SPHKAP: variants seen among roughly 807,000 people sequenced by gnomAD.
SPHKAP encodes A-kinase anchor protein SPHKAP.
Under a neutral mutation model 137.5 loss-of-function variants are expected in SPHKAP, and 67 were observed. The observed-to-expected ratio is 0.49, with a 90% confidence interval of 0.40 to 0.60. The LOEUF (loss-of-function observed/expected upper bound fraction) is 0.60. Ranked by LOEUF, SPHKAP falls within the 20% of genes least tolerant of loss-of-function variation. The pLI, the probability that SPHKAP is intolerant of heterozygous loss-of-function variation, is 0.00. For missense variants in SPHKAP, 2,097 were observed against 2,069.3 expected (o/e 1.01, Z -0.26); for synonymous variants, 813 against 785.3 (o/e 1.04, Z -0.59).
chr2:228,156,063 A>T (rs1331745218), intron 1 of SPHKAP, among the ~76,000 whole-genome samples: 1 of 152,192 alleles, frequency 6.6e-6, no homozygotes, highest in Non-Finnish European at 1.5e-5. Flanking sequence ...TTAAACTAAA[A>T]TGTGCCCACT....
At chr2:228,163,589 C>T (rs12465504) in intron 1 of SPHKAP, among the ~76,000 whole-genome samples, 21,721 of 152,052 alleles carry the variant, frequency 0.14, 1,558 homozygotes, top group East Asian at 0.2. Flanking sequence ...CTATTTATAA[C>T]GTACACAGGT....
intron 1 of SPHKAP, among the ~76,000 whole-genome samples, chr2:228,151,703 A>T (rs1014819326): frequency 6.6e-6 from 1 of 152,194 alleles, no homozygotes; most frequent in African/African-American, 2.4e-5. Flanking sequence ...ATGGGATCTC[A>T]TTCTGTTGCA....
chr2:228,086,945 T>A (rs2106321597), intron 3 of SPHKAP, among the ~76,000 whole-genome samples: 1 of 152,180 alleles, frequency 6.6e-6, no homozygotes, highest in Admixed American at 6.5e-5. Flanking sequence ...AAAGGCTAGC[T>A]CCAAAAGTAA....
chr2:228,025,930 A>G, intron 4 of SPHKAP: 6 of 910,118 alleles, frequency 6.6e-6, no homozygotes, highest in Non-Finnish European at 7.9e-6. Context: ...TCCAAATCTC[A>G]TCTTGTAGCT....
chr2:228,152,494 A>G (rs1699966547), intron 1 of SPHKAP, among the ~76,000 whole-genome samples: 1 of 151,936 alleles, frequency 6.6e-6, no homozygotes, highest in Non-Finnish European at 1.5e-5. Flanking sequence ...TTAGTATTTC[A>G]TGTTTTAAAT....
At chr2:228,046,962 C>T (rs1310369022) in intron 3 of SPHKAP, among the ~76,000 whole-genome samples, 1 of 152,094 alleles carries the variant, frequency 6.6e-6, no homozygotes, top group Non-Finnish European at 1.5e-5. Flanking sequence ...CACTTGAAAG[C>T]AGAATAAAAG....
At chr2:227,997,569 A>C (rs1693682990) in intron 7 of SPHKAP, among the ~76,000 whole-genome samples, 1 of 152,198 alleles carries the variant, frequency 6.6e-6, no homozygotes, top group South Asian at 2.1e-4. Context: ...AAGTCTAATA[A>C]CATGCTTTTG....
Position 228,016,397 on chromosome 2 carries a change from T to C in SPHKAP, c.4448+9A>G, listed in dbSNP as rs1287380643. 6.4e-7 allele frequency: 1 copy of C among 1,569,018 alleles called. No homozygotes were observed. Among genetic ancestry groups the C allele is most frequent in the African/African-American group, 1.4e-5 (1 of 72,878 alleles). The stretch of plus-strand genomic sequence containing the variant: ...ATGCACCCTATGTAGTCTGAGACGA[T>C]TCACTCACCTATGGATTTGACAAGC... On this transcript the variant is annotated intron_variant, in intron 7 of 11. Coordinates refer to ENST00000392056, the MANE Select transcript of SPHKAP (RefSeq NM_001142644.2).
intron 2 of SPHKAP, among the ~76,000 whole-genome samples, chr2:228,113,503 G>A (rs1221751156): frequency 1.3e-5 from 2 of 152,000 alleles, no homozygotes; most frequent in Non-Finnish European, 2.9e-5. Flanking sequence ...ATTTCAGTCA[G>A]GCTCCCAGAC....
intron 1 of SPHKAP, among the ~76,000 whole-genome samples, chr2:228,155,887 G>A (rs1344375605): frequency 6.6e-6 from 1 of 152,178 alleles, no homozygotes; most frequent in Non-Finnish European, 1.5e-5. Context: ...TGCAAGCAAA[G>A]AGGACAAAGC....
chr2:227,986,776 T>C (rs1390111428), intron 11 of SPHKAP, among the ~76,000 whole-genome samples: 1 of 152,116 alleles, frequency 6.6e-6, no homozygotes, highest in Admixed American at 6.6e-5. Flanking sequence ...TAATTCTCAA[T>C]GCAGGCTCAA....
intron 8 of SPHKAP, among the ~76,000 whole-genome samples, chr2:227,994,638 A>G (rs1335376836): frequency 6.6e-6 from 1 of 152,196 alleles, no homozygotes; most frequent in Non-Finnish European, 1.5e-5. Flanking sequence ...ATATTCATGT[A>G]TTGAAACCTG....
chr2:228,023,936 C>T (rs11678867), intron 5 of SPHKAP, among the ~76,000 whole-genome samples: 29,218 of 152,082 alleles, frequency 0.19, 3,001 homozygotes, highest in Non-Finnish European at 0.24. Context: ...TGCTGAAAAC[C>T]ACCTGGAAAT....
At position 228,018,512 on chromosome 2, in the gene SPHKAP, C is replaced by T. The variant is rs77239850; in HGVS notation, c.2342G>A (p.Ser781Asn). ...SSPLSNSHNT[S>N]LVINNLVDGM... The stretch of plus-strand genomic sequence containing the variant: ...ATCCACAAGATTGTTGATGACAAGA[C>T]TCGTGTTGTGTGAATTGCTAAGTGG... The change falls in exon 7 of 12, where the codon AGT (serine) becomes AAT (asparagine). Residue 781 changes from serine (S) to asparagine (N), a missense_variant. Ser to Asn is a conservative substitution (Grantham distance 46, BLOSUM62 1). Coordinates refer to ENST00000392056, the MANE Select transcript of SPHKAP (RefSeq NM_001142644.2). The T allele has an allele frequency of 1.9e-4, 307 of 1,614,126 alleles. 3 individuals are homozygous for T. In the East Asian group the frequency reaches 6.7e-3, roughly 35 times the overall value.
At chr2:228,085,886 C>T (rs1697522720) in intron 3 of SPHKAP, among the ~76,000 whole-genome samples, 1 of 152,096 alleles carries the variant, frequency 6.6e-6, no homozygotes, top group African/African-American at 2.4e-5. Context: ...GATGTTCTTC[C>T]TCATTGACAT....
chr2:228,136,206 C>T (rs755043054), intron 1 of SPHKAP, among the ~76,000 whole-genome samples: 14 of 152,268 alleles, frequency 9.2e-5, no homozygotes, highest in Admixed American at 2.0e-4. Flanking sequence ...ATGGGTAAGC[C>T]GGCAAATTCT....
chr2:228,120,510 T>G (rs541666857), intron 2 of SPHKAP, among the ~76,000 whole-genome samples: 46 of 152,306 alleles, frequency 3.0e-4, no homozygotes, highest in Admixed American at 1.8e-3. Context: ...TATGTTACCC[T>G]GGGCCAGAAC....
Position 228,017,179 on chromosome 2 carries a change from A to G in SPHKAP, c.3675T>C (p.Ser1225=). The G allele has an allele frequency of 1.2e-6, 2 of 1,613,914 alleles. No individual in the cohort carries two copies. Among genetic ancestry groups the G allele is most frequent in the South Asian group, 1.1e-5 (1 of 91,070 alleles). ...GGCACACTGGGGATCGCAGAGAAGG[A>G]GACAGCAGGCCGGCTGTCCAATCCT... ...SSQDWTAGLL[S]PSLRSPVCHR... Residue 1225 remains serine (S), a synonymous_variant, in exon 7 of 12, where the codon TCT becomes TCC. Transcript: ENST00000392056.
intron 1 of SPHKAP, among the ~76,000 whole-genome samples, chr2:228,141,149 T>G (rs924564976): frequency 3.9e-5 from 6 of 152,332 alleles, no homozygotes; most frequent in Non-Finnish European, 8.8e-5. Flanking sequence ...GTCATCTAAG[T>G]GAGTCTAAAT....
Sources: allele counts gnomAD v4.1 joint callset (sites outside exome capture counted in the v4.1 genomes callset), GRCh38; gene constraint gnomAD v4.1.1; transcripts MANE v1.5; gene names NCBI Gene and HGNC (gene_info 2026-07-23, HGNC 2026-07-21).